The following DLGAP2 variants were observed in gnomAD, a reference collection of about 807,000 sequenced individuals.
DLGAP2 encodes DLG associated protein 2.
Under a neutral mutation model 100.3 loss-of-function variants are expected in DLGAP2, and 26 were observed. The ratio of observed to expected loss-of-function variants is 0.26; its 90% CI spans 0.19 to 0.36. DLGAP2 has a LOEUF of 0.36. DLGAP2 is among the 10% of genes least tolerant of loss of function. The pLI is 1.00. For missense variants in DLGAP2, 1,858 were observed against 1,453.2 expected, an observed-to-expected ratio of 1.28 and a Z score of -4.53; for synonymous variants, 886 against 630.1, an observed-to-expected ratio of 1.41 and a Z score of -6.08.
chr8:1,003,575 G>T (rs1801022236), intron 2 of DLGAP2, among the ~76,000 whole-genome samples: 1 of 152,240 alleles, frequency 6.6e-6, no homozygotes, highest in South Asian at 2.1e-4. Context: ...TGAAGCCACT[G>T]TTCCTGATGG....
At chr8:1,069,745 T>C (rs527803895) in intron 2 of DLGAP2, among the ~76,000 whole-genome samples, 1 of 152,342 alleles carries the variant, frequency 6.6e-6, no homozygotes, top group East Asian at 1.9e-4. Context: ...AGTGCTGGCC[T>C]GAGGGCTTGG....
intron 2 of DLGAP2, among the ~76,000 whole-genome samples, chr8:1,237,650 C>T (rs1371667583): frequency 8.5e-5 from 2 of 23,622 alleles, no homozygotes; most frequent in African/African-American, 1.2e-4. Context: ...AGTTCTCTCT[C>T]ACACATAGCG....
intron 2 of DLGAP2, among the ~76,000 whole-genome samples, chr8:970,112 A>C (rs1799977113): frequency 6.6e-6 from 1 of 152,092 alleles, no homozygotes; most frequent in Non-Finnish European, 1.5e-5. Context: ...CTAAAGAAAA[A>C]TGTCCACCGG....
At chr8:1,270,304 C>T (rs139939378) in intron 3 of DLGAP2, among the ~76,000 whole-genome samples, 75 of 152,248 alleles carry the variant, frequency 4.9e-4, no homozygotes, top group Admixed American at 1.8e-3. Flanking sequence ...AGCAACAGCT[C>T]TGAAAAATGT....
intron 1 of DLGAP2, among the ~76,000 whole-genome samples, chr8:846,146 CA>C (rs1010907751): frequency 6.6e-6 from 1 of 152,182 alleles, no homozygotes; most frequent in Non-Finnish European, 1.5e-5. Flanking sequence ...TGAGTACATT[CA>C]AAAACCTCTG....
chr8:1,417,910 A>G (rs1319587570), intron 3 of DLGAP2, among the ~76,000 whole-genome samples: 1 of 152,218 alleles, frequency 6.6e-6, no homozygotes, highest in Non-Finnish European at 1.5e-5. Context: ...TTTTGCTCTG[A>G]TAAAATATTA....
At chr8:876,566 A>G (rs1251357745) in intron 1 of DLGAP2, among the ~76,000 whole-genome samples, 1 of 151,870 alleles carries the variant, frequency 6.6e-6, no homozygotes, top group African/African-American at 2.4e-5. Flanking sequence ...TAAGATTTTC[A>G]CCTTTTCTTT....
chr8:1,686,136 C>T (rs1458766777), intron 12 of DLGAP2, among the ~76,000 whole-genome samples: 1 of 152,148 alleles, frequency 6.6e-6, no homozygotes, highest in Admixed American at 6.6e-5. Flanking sequence ...TTTATTGCAG[C>T]ATTATTCATG....
chr8:1,428,238 A>G (rs1797292770), intron 3 of DLGAP2, among the ~76,000 whole-genome samples: 1 of 152,138 alleles, frequency 6.6e-6, no homozygotes, highest in African/African-American at 2.4e-5. Context: ...CCTATTAGAA[A>G]TATAATTTTT....
intron 8 of DLGAP2, among the ~76,000 whole-genome samples, chr8:1,649,661 G>T (rs1440564136): frequency 2.0e-5 from 3 of 152,120 alleles, no homozygotes; most frequent in Non-Finnish European, 4.4e-5. Flanking sequence ...ATATAGGAAG[G>T]AAATATCTAT....
intron 2 of DLGAP2, among the ~76,000 whole-genome samples, chr8:1,027,227 A>G (rs920674537): frequency 6.6e-6 from 1 of 152,258 alleles, no homozygotes; most frequent in South Asian, 2.1e-4. Flanking sequence ...CAAAGTTAGC[A>G]TATTTGTGAA....
chr8:1,267,867 C>CA (rs1799500381), intron 3 of DLGAP2, among the ~76,000 whole-genome samples: 1 of 152,072 alleles, frequency 6.6e-6, no homozygotes, highest in East Asian at 1.9e-4. Context: ...CTCCATCACA[C>CA]CCACCCTAGT....
chr8:1,075,342 G>C (rs1027485151), intron 2 of DLGAP2, among the ~76,000 whole-genome samples: 27 of 152,252 alleles, frequency 1.8e-4, no homozygotes, highest in Admixed American at 6.5e-5. Context: ...GTGCATTGTG[G>C]GGTGCTGGAA....
intron 2 of DLGAP2, among the ~76,000 whole-genome samples, chr8:933,094 C>T (rs189820046): frequency 6.6e-6 from 1 of 152,382 alleles, no homozygotes; most frequent in East Asian, 1.9e-4. Context: ...TGTCCCCGTC[C>T]GTTCCTGCAG....
At chr8:760,021 G>T (rs1224625042) in intron 1 of DLGAP2, among the ~76,000 whole-genome samples, 1 of 152,154 alleles carries the variant, frequency 6.6e-6, no homozygotes, top group African/African-American at 2.4e-5. Context: ...GTTAATTTTG[G>T]TGCTTTTTTG....
At chr8:1,241,800 A>G (rs1443069318) in intron 2 of DLGAP2, among the ~76,000 whole-genome samples, 1 of 152,208 alleles carries the variant, frequency 6.6e-6, no homozygotes, top group Non-Finnish European at 1.5e-5. Flanking sequence ...TTTAATTTTA[A>G]AGTTCAGCGG....
intron 3 of DLGAP2, among the ~76,000 whole-genome samples, chr8:1,290,766 A>T (rs890602377): frequency 6.6e-6 from 1 of 152,234 alleles, no homozygotes; most frequent in African/African-American, 2.4e-5. Flanking sequence ...CTGCGTGCAC[A>T]AAGCTTATGC....
chr8:1,176,441 G>C (rs138017968), intron 2 of DLGAP2, among the ~76,000 whole-genome samples: 42 of 152,324 alleles, frequency 2.8e-4, no homozygotes, highest in African/African-American at 8.7e-4. Flanking sequence ...TGTTTGTTCT[G>C]AGTATTTACA....
At chr8:892,721 C>G (rs974420717) in intron 1 of DLGAP2, among the ~76,000 whole-genome samples, 1 of 152,156 alleles carries the variant, frequency 6.6e-6, no homozygotes, top group African/African-American at 2.4e-5. Context: ...CGGGAACCAC[C>G]AGGCGGGGCA....
Sources: gnomAD v4.1 joint callset for allele counts (sites outside exome capture counted in the v4.1 genomes callset) on GRCh38, gnomAD v4.1.1 for gene constraint, MANE v1.5 for transcripts, NCBI Gene and HGNC (gene_info 2026-07-23, HGNC 2026-07-21) for gene names.